Variants in ADAMTS3 observed in about 807,000 individuals in gnomAD.
ADAMTS3 encodes the protein ADAM metallopeptidase with thrombospondin type 1 motif 3, also known as A disintegrin and metalloproteinase with thrombospondin motifs 3.
ADAMTS3 carries 73 observed loss-of-function variants against 129.0 expected under a neutral mutation model. The observed-to-expected ratio is 0.57, with a 90% CI of 0.47 to 0.69. The LOEUF is 0.69. Ranked by LOEUF, ADAMTS3 falls within the 30% of genes least tolerant of loss-of-function variation. The probability of loss-of-function intolerance (pLI) is 0.00; values close to 1 mark genes in which losing one functional copy is unlikely to be tolerated. For synonymous variants in ADAMTS3, 477 were observed against 510.8 expected (o/e 0.93, Z 0.89); for missense variants, 1,457 against 1,514.5 (o/e 0.96, Z 0.63).
intron 3 of ADAMTS3, among the ~76,000 whole-genome samples, chr4:72,447,996 A>G (rs1383204249): frequency 6.6e-6 from 1 of 151,724 alleles, no homozygotes; most frequent in Non-Finnish European, 1.5e-5. Context: ...TTTTTAAAGT[A>G]TAAACCCAAA....
At chr4:72,348,776 AGGAGAGAGGTATCTAGTTGCTGACAGT>A (rs1720353697) in intron 4 of ADAMTS3, among the ~76,000 whole-genome samples, 1 of 151,634 alleles carries the variant, frequency 6.6e-6, no homozygotes, top group Non-Finnish European at 1.5e-5. Context: ...GCTCCTGGAC[AGGAGAGAGGTATCTAGTTGCTGACAGT>A]GAACCACAGC....
intron 4 of ADAMTS3, among the ~76,000 whole-genome samples, chr4:72,407,496 G>A (rs1237084837): frequency 6.6e-6 from 1 of 152,130 alleles, no homozygotes; most frequent in African/African-American, 2.4e-5. Context: ...ACCTGCCAAA[G>A]TGCTGATAAA....
intron 3 of ADAMTS3, among the ~76,000 whole-genome samples, chr4:72,538,762 C>T (rs142410895): frequency 6.6e-6 from 1 of 152,052 alleles, no homozygotes; most frequent in Non-Finnish European, 1.5e-5. Flanking sequence ...GATAACAAAA[C>T]TTACTACAAA....
chr4:72,318,771 A>C, intron 9 of ADAMTS3, 67 bp from the exon 10 acceptor site: 1 of 1,504,250 alleles, frequency 6.6e-7, no homozygotes, highest in Non-Finnish European at 9.1e-7. Flanking sequence ...TGATTTAAAA[A>C]AAAGTAGTCT....
At chr4:72,380,298 A>G (rs1194149265) in intron 4 of ADAMTS3, among the ~76,000 whole-genome samples, 1 of 152,114 alleles carries the variant, frequency 6.6e-6, no homozygotes, top group African/African-American at 2.4e-5. Context: ...AAATTTTTAA[A>G]GACATCTCTA....
rs952173670 is a variant in ADAMTS3, at chr4:72,492,341, CAA to C, written c.504+56135_504+56136del. ...CTTGTTTTTCTAGTTCTTTGAGGTG[CAA>C]AGTTTTTTTTTTCAATATAGGCATT... On this transcript the variant is annotated intron_variant, in intron 3 of 21. Coordinates refer to ENST00000286657, the MANE Select transcript of ADAMTS3 (RefSeq NM_014243.3). 3.3e-5 allele frequency among the ~76,000 whole-genome samples: 5 copies of C among 150,678 alleles called. 1 individual carries two copies. The highest frequency in any genetic ancestry group is 3.3e-4 in the Admixed American group (5 of 15,138).
At chr4:72,378,976 T>C (rs1036907983) in intron 4 of ADAMTS3, among the ~76,000 whole-genome samples, 20 of 152,128 alleles carry the variant, frequency 1.3e-4, no homozygotes, top group African/African-American at 4.8e-4. Flanking sequence ...CAAGAATCAC[T>C]CAGCTGCTAG....
intron 4 of ADAMTS3, among the ~76,000 whole-genome samples, chr4:72,340,245 T>A (rs1385405089): frequency 6.6e-6 from 1 of 152,096 alleles, no homozygotes; most frequent in Non-Finnish European, 1.5e-5. Flanking sequence ...GCTTTATTTC[T>A]TCTGAGTAAA....
intron 3 of ADAMTS3, among the ~76,000 whole-genome samples, chr4:72,545,311 A>G (rs766321910): frequency 5.3e-5 from 8 of 152,144 alleles, no homozygotes; most frequent in African/African-American, 1.2e-4. Flanking sequence ...CTGCCTGCCT[A>G]TTTGAAGAAG....
intron 3 of ADAMTS3, among the ~76,000 whole-genome samples, chr4:72,506,709 T>C (rs147966334): frequency 4.5e-4 from 69 of 152,300 alleles, no homozygotes; most frequent in African/African-American, 1.6e-3. Flanking sequence ...TTGACCTGGG[T>C]TGCTCACATA....
intron 3 of ADAMTS3, among the ~76,000 whole-genome samples, chr4:72,440,534 C>T (rs1718085209): frequency 6.6e-6 from 1 of 151,818 alleles, no homozygotes; most frequent in African/African-American, 2.4e-5. Context: ...AAAACCACTT[C>T]ATCTCTTGCC....
chr4:72,287,570 G>T, intron 21 of ADAMTS3, among the ~76,000 whole-genome samples: 1 of 151,954 alleles, frequency 6.6e-6, no homozygotes, highest in African/African-American at 2.4e-5. Flanking sequence ...AGAATGATAG[G>T]AGGTACAGCC....
At chr4:72,510,819 CAAAAAAAAAAAAA>C (rs869030257) in intron 3 of ADAMTS3, among the ~76,000 whole-genome samples, 2 of 63,646 alleles carry the variant, frequency 3.1e-5, no homozygotes, top group Admixed American at 2.2e-4. Flanking sequence ...ATCCTTAAGC[CAAAAAAAAAAAAA>C]AAAAAAAAAA....
intron 2 of ADAMTS3, 66 bp downstream of exon 2, chr4:72,567,308 G>T: frequency 6.8e-7 from 1 of 1,470,156 alleles, no homozygotes. Flanking sequence ...ACAATATTTT[G>T]CTTAGCTCAC....
At chr4:72,547,335 A>G (rs1721493015) in intron 3 of ADAMTS3, among the ~76,000 whole-genome samples, 1 of 152,212 alleles carries the variant, frequency 6.6e-6, no homozygotes, top group Non-Finnish European at 1.5e-5. Flanking sequence ...TTGATTGTTC[A>G]CACTGGGTAG....
intron 1 of ADAMTS3, 145 bp from the exon 2 acceptor site, chr4:72,567,546 C>T (rs556517397): frequency 3.9e-6 from 3 of 765,152 alleles, no homozygotes; most frequent in Admixed American, 5.7e-5. Context: ...AAAGCCTGCA[C>T]CTTGGTTTGT....
intron 5 of ADAMTS3, 124 bp downstream of exon 5, chr4:72,339,370 A>T: frequency 1.2e-6 from 1 of 803,916 alleles, no homozygotes; most frequent in Non-Finnish European, 2.0e-6. Flanking sequence ...ATTTAAATTT[A>T]ATGCCATCAT....
chr4:72,357,855 C>A (rs1720620907), intron 4 of ADAMTS3, among the ~76,000 whole-genome samples: 1 of 151,936 alleles, frequency 6.6e-6, no homozygotes, highest in Non-Finnish European at 1.5e-5. Context: ...AAATATAAAT[C>A]TATTCTATCA....
chr4:72,525,529 G>A (rs976434506), intron 3 of ADAMTS3, among the ~76,000 whole-genome samples: 3 of 152,096 alleles, frequency 2.0e-5, no homozygotes, highest in Admixed American at 2.0e-4. Flanking sequence ...GAATACATGT[G>A]CTCACCTTCT....
Sources: gnomAD v4.1 joint callset for allele counts (sites outside exome capture counted in the v4.1 genomes callset) on GRCh38, gnomAD v4.1.1 for gene constraint, MANE v1.5 for transcripts, NCBI Gene and HGNC (gene_info 2026-07-23, HGNC 2026-07-21) for gene names.